ABCA12: variants seen among roughly 807,000 people sequenced by gnomAD.
ABCA12 encodes the protein ATP binding cassette subfamily A member 12, also known as glucosylceramide transporter ABCA12.
ABCA12 carries 156 observed loss-of-function variants against 293.5 expected under a neutral mutation model. The ratio of observed to expected loss-of-function variants is 0.53; its 90% confidence interval spans 0.47 to 0.61. ABCA12 has a LOEUF of 0.61. ABCA12 is among the 20% of genes least tolerant of loss of function. The pLI is 0.00. For missense variants in ABCA12, 2,797 were observed against 3,090.2 expected, an observed-to-expected ratio of 0.91 and a Z score of 2.25; for synonymous variants, 1,063 against 1,108.0, an observed-to-expected ratio of 0.96 and a Z score of 0.81.
At chr2:214,982,022 G>C (rs1166463333) in intron 30 of ABCA12, among the ~76,000 whole-genome samples, 165 bp downstream of exon 30, 2 of 148,582 alleles carry the variant, frequency 1.3e-5, no homozygotes, top group Admixed American at 1.4e-4. Context: ...ATGTTACCCA[G>C]GCTGGTCTCA....
chr2:215,048,688 G>A (rs1701254845), intron 6 of ABCA12, among the ~76,000 whole-genome samples: 1 of 152,138 alleles, frequency 6.6e-6, no homozygotes. Flanking sequence ...GAGTGACAGA[G>A]TGAAGCTGTG....
intron 49 of ABCA12, among the ~76,000 whole-genome samples, chr2:214,943,254 C>T (rs138693612): frequency 1.1e-3 from 173 of 152,228 alleles, no homozygotes; most frequent in African/African-American, 3.9e-3. Flanking sequence ...CCTCCTGTCT[C>T]AGCCTCCTGA....
At chr2:214,991,185 G>C (rs1203700165) in intron 23 of ABCA12, among the ~76,000 whole-genome samples, 154 bp from the exon 24 acceptor site, 1 of 152,132 alleles carries the variant, frequency 6.6e-6, no homozygotes, top group Non-Finnish European at 1.5e-5. Flanking sequence ...ATCCATGCTT[G>C]CTATGTGAAA....
At chr2:215,019,162 C>T (rs1204000305) in intron 13 of ABCA12, among the ~76,000 whole-genome samples, 174 bp downstream of exon 13, 1 of 152,174 alleles carries the variant, frequency 6.6e-6, no homozygotes, top group African/African-American at 2.4e-5. Context: ...TGCTAGCTTT[C>T]TGTGTGTTTA....
intron 28 of ABCA12, among the ~76,000 whole-genome samples, chr2:214,984,094 C>CTTT (rs397987755): frequency 0.026 from 2,459 of 92,868 alleles, 331 homozygotes; most frequent in African/African-American, 0.044. Context: ...ACGATCAGGC[C>CTTT]TTTTTTTTTT....
intron 1 of ABCA12, among the ~76,000 whole-genome samples, chr2:215,116,975 A>G (rs1023784836): frequency 5.9e-5 from 9 of 152,220 alleles, no homozygotes; most frequent in African/African-American, 1.7e-4. Context: ...CTTTTGCTAT[A>G]TAAAGGCCAC....
intron 41 of ABCA12, among the ~76,000 whole-genome samples, chr2:214,957,283 G>T (rs926515463): frequency 2.0e-5 from 3 of 152,174 alleles, no homozygotes; most frequent in African/African-American, 7.2e-5. Flanking sequence ...TTAGCATTTT[G>T]TTGGCAAGTA....
intron 2 of ABCA12, among the ~76,000 whole-genome samples, chr2:215,091,200 G>A (rs567651048): frequency 1.6e-3 from 238 of 151,922 alleles, no homozygotes; most frequent in African/African-American, 5.5e-3. Flanking sequence ...CTTTTTCTAT[G>A]GGCCCATCTG....
At chr2:215,089,357 C>T (rs1011352958) in intron 2 of ABCA12, among the ~76,000 whole-genome samples, 2 of 152,080 alleles carry the variant, frequency 1.3e-5, no homozygotes, top group Non-Finnish European at 2.9e-5. Context: ...CTAGGAACCG[C>T]TACATTCACA....
At chr2:215,104,767 C>T (rs1484830164) in intron 2 of ABCA12, among the ~76,000 whole-genome samples, 3 of 152,134 alleles carry the variant, frequency 2.0e-5, no homozygotes, top group Non-Finnish European at 4.4e-5. Context: ...TGCTCCTACA[C>T]AAAAAATCTC....
At chr2:215,066,103 A>C (rs1701634991) in intron 2 of ABCA12, among the ~76,000 whole-genome samples, 3 of 152,140 alleles carry the variant, frequency 2.0e-5, no homozygotes, top group African/African-American at 7.2e-5. Flanking sequence ...TTAGCTTTTC[A>C]TGTCATCCCT....
Position 215,015,620 on chromosome 2 carries a change from A to G in ABCA12, c.1826T>C (p.Ile609Thr), listed in dbSNP as rs368718192. The change falls in exon 15 of 53, where the codon ATC becomes ACC. Residue 609 changes from isoleucine (I) to threonine (T), a missense_variant. Transcript: ENST00000272895. ...TGCATCTTCTAGTTTGGGAGTGGTG[A>G]TATTAGTATCACAGGAATGCAGCCA... Reference protein sequence around the residue: ...VFWLHSCDTNITTPKLEDAMK... With the variant: ...VFWLHSCDTNTTTPKLEDAMK... 6.2e-7 allele frequency: 1 copy of G among 1,614,106 alleles called. No homozygotes were observed. The highest frequency in any genetic ancestry group is 8.5e-7 in the Non-Finnish European group (1 of 1,179,984).
Position 215,045,950 on chromosome 2 carries a change from GAAGA to G in ABCA12, c.755_758del (p.Phe252SerfsTer27). ...CAGCTTTCTGCTCTTGCACTTGTGA[GAAGA>G]AAGACAGCATTCTGACTATTTCCTG... On this transcript the variant is annotated frameshift_variant, in exon 7 of 53. Coordinates refer to ENST00000272895, the MANE Select transcript of ABCA12 (RefSeq NM_173076.3). LOFTEE classifies it high-confidence loss of function. 1 of 1,613,708 alleles carries G rather than the reference GAAGA, an allele frequency of 6.2e-7. No individual in the cohort carries two copies. Among genetic ancestry groups the G allele is most frequent in the Non-Finnish European group, 8.5e-7 (1 of 1,179,806 alleles).
intron 1 of ABCA12, among the ~76,000 whole-genome samples, chr2:215,132,522 T>C (rs931767773): frequency 6.6e-6 from 1 of 152,072 alleles, no homozygotes; most frequent in Admixed American, 6.6e-5. Context: ...CTGTTGTTGG[T>C]TTAACGTCTG....
intron 5 of ABCA12, 80 bp from the exon 6 acceptor site, chr2:215,049,891 A>C (rs999583849): frequency 7.9e-5 from 108 of 1,374,572 alleles, no homozygotes; most frequent in Middle Eastern, 7.4e-4. Context: ...CAAGGAATCT[A>C]AGCTGTCTTC....
At chr2:215,059,446 T>C in intron 3 of ABCA12, among the ~76,000 whole-genome samples, 1 of 152,086 alleles carries the variant, frequency 6.6e-6, no homozygotes, top group African/African-American at 2.4e-5. Flanking sequence ...TATGGATATC[T>C]GTCCACATTC....
intron 9 of ABCA12, 148 bp from the exon 10 acceptor site, chr2:215,027,086 T>C: frequency 3.2e-6 from 2 of 618,908 alleles, no homozygotes; most frequent in East Asian, 3.0e-5. Context: ...GGCTCACGCC[T>C]GTAATCCTAG....
intron 16 of ABCA12, 81 bp from the exon 17 acceptor site, chr2:215,011,730 T>A: frequency 1.5e-6 from 2 of 1,324,546 alleles, no homozygotes; most frequent in Non-Finnish European, 1.1e-6. Context: ...GAGAACCTGA[T>A]AATACTTAGA....
rs544248084 is a variant in ABCA12 at position 215,021,649 on chromosome 2, G to T, written c.1288-1853C>A. On this transcript the variant is annotated intron_variant, in intron 11 of 52. Coordinates refer to ENST00000272895, the MANE Select transcript of ABCA12 (RefSeq NM_173076.3). ...CCTATGTGTCATTCATTGCAGCTCA[G>T]TTTCTAATCAGAAGTTACAGTTTGA... Among the ~76,000 whole-genome samples, 18 of 152,254 alleles carry T rather than the reference G, an allele frequency of 1.2e-4. No individual in the cohort carries two copies. In the South Asian group the frequency reaches 3.1e-3, roughly 26 times the overall value.
Sources: gnomAD v4.1 joint callset for allele counts (sites outside exome capture counted in the v4.1 genomes callset) on GRCh38, gnomAD v4.1.1 for gene constraint, MANE v1.5 for transcripts, NCBI Gene and HGNC (gene_info 2026-07-23, HGNC 2026-07-21) for gene names.